The following PAN3 variants were observed in gnomAD, a reference collection of about 807,000 sequenced individuals.
The protein encoded by PAN3 is poly(A) specific ribonuclease subunit PAN3.
In PAN3, 19 loss-of-function variants were observed where a neutral mutation model predicts 96.2. The observed-to-expected ratio is 0.20, with a 90% CI of 0.14 to 0.29. PAN3 has a LOEUF of 0.29. Ranked by LOEUF, PAN3 falls within the 10% of genes least tolerant of loss-of-function variation. The pLI is 1.00. For synonymous variants in PAN3, 433 were observed against 406.6 expected, an observed-to-expected ratio of 1.06 and a Z score of -0.78; for missense variants, 882 against 1,108.1, an observed-to-expected ratio of 0.80 and a Z score of 2.90.
intron 5 of PAN3, among the ~76,000 whole-genome samples, chr13:28,216,835 G>C (rs1356502430): frequency 6.6e-6 from 1 of 151,766 alleles, no homozygotes; most frequent in Non-Finnish European, 1.5e-5. Flanking sequence ...AAAAAATTAG[G>C]CCAGGTGTGG....
chr13:28,223,871 ATTTTTTTTTTT>A (rs560571140), intron 6 of PAN3, among the ~76,000 whole-genome samples: 21 of 75,012 alleles, frequency 2.8e-4, no homozygotes, highest in South Asian at 4.3e-4. Flanking sequence ...ATGAAAAGTG[ATTTTTTTTTTT>A]TTTTTTTTTT....
At chr13:28,231,228 A>G (rs979089508) in intron 6 of PAN3, among the ~76,000 whole-genome samples, 1 of 152,184 alleles carries the variant, frequency 6.6e-6, no homozygotes, top group South Asian at 2.1e-4. Context: ...CAATAGTCTA[A>G]TGATATTTGT....
intron 4 of PAN3, among the ~76,000 whole-genome samples, chr13:28,178,449 A>G (rs1875333720): frequency 6.6e-6 from 1 of 152,102 alleles, no homozygotes; most frequent in South Asian, 2.1e-4. Flanking sequence ...TAGACCATGT[A>G]TGGATTTTTG....
intron 1 of PAN3, among the ~76,000 whole-genome samples, chr13:28,141,207 G>T (rs1869758072): frequency 6.6e-6 from 1 of 151,736 alleles, no homozygotes; most frequent in Non-Finnish European, 1.5e-5. Flanking sequence ...GTTTCGCCAT[G>T]TTGGCCAGGT....
intron 6 of PAN3, among the ~76,000 whole-genome samples, chr13:28,220,696 A>G (rs981903293): frequency 6.6e-6 from 1 of 152,146 alleles, no homozygotes; most frequent in South Asian, 2.1e-4. Flanking sequence ...GTTTCACTCA[A>G]ACTTACAAAG....
At chr13:28,181,058 A>G (rs1032921462) in intron 4 of PAN3, among the ~76,000 whole-genome samples, 1 of 152,206 alleles carries the variant, frequency 6.6e-6, no homozygotes, top group Non-Finnish European at 1.5e-5. Context: ...TATAGAGGCA[A>G]AGATACCTAG....
chr13:28,260,245 A>T (rs1043818631), intron 7 of PAN3, among the ~76,000 whole-genome samples: 1 of 151,864 alleles, frequency 6.6e-6, no homozygotes, highest in Non-Finnish European at 1.5e-5. Context: ...AAAATACAAA[A>T]ATTAGCTGGG....
In PAN3 at chr13:28,143,173, C is replaced by G. The variant is rs75071527; in HGVS notation, c.430+4086C>G. ...CTTGCTGTGTTGTCTAGGTTGGACT[C>G]CAACTCCTGGGCTCAAGTGATCCTA... On this transcript the variant is annotated intron_variant, in intron 1 of 18. Coordinates refer to ENST00000380958, the MANE Select transcript of PAN3 (RefSeq NM_175854.8). Among the ~76,000 whole-genome samples the G allele has an allele frequency of 3.1e-3, 471 of 151,796 alleles. 1 individual carries two copies. Among genetic ancestry groups the G allele is most frequent in the African/African-American group, 0.011 (450 of 41,206 alleles).
intron 12 of PAN3, among the ~76,000 whole-genome samples, chr13:28,267,773 G>A (rs911164795): frequency 2.0e-5 from 3 of 152,124 alleles, no homozygotes; most frequent in Non-Finnish European, 4.4e-5. Context: ...AGAACAGTAT[G>A]GGGGAAATTA....
intron 7 of PAN3, among the ~76,000 whole-genome samples, chr13:28,257,739 T>TA (rs1412639111): frequency 8.8e-6 from 1 of 113,760 alleles, no homozygotes; most frequent in African/African-American, 3.0e-5. Flanking sequence ...TATATATAAA[T>TA]TATATATAAT....
At position 28,237,553 on chromosome 13, in the gene PAN3, A is replaced by G. The variant is rs376007249; in HGVS notation, c.1000+17175A>G. On this transcript the variant is annotated intron_variant, in intron 6 of 18. Transcript: ENST00000380958. ...AAGTCCTGTGTGAACCCCCAAACCTAAAGTTACATAAAGCAGATAAAGCTG... is the reference window on the plus strand; with the variant it reads ...AAGTCCTGTGTGAACCCCCAAACCTGAAGTTACATAAAGCAGATAAAGCTG... Among the ~76,000 whole-genome samples the G allele has an allele frequency of 2.5e-4, 38 of 152,298 alleles. No homozygotes were observed. In the East Asian group the frequency reaches 5.8e-3, roughly 23 times the overall value.
intron 5 of PAN3, among the ~76,000 whole-genome samples, chr13:28,198,246 A>G (rs1459159936): frequency 2.6e-5 from 4 of 151,678 alleles, no homozygotes; most frequent in Non-Finnish European, 5.9e-5. Context: ...AGACTGCACC[A>G]CTGCACCCAC....
At chr13:28,237,199 T>C (rs1883193130) in intron 6 of PAN3, among the ~76,000 whole-genome samples, 1 of 152,094 alleles carries the variant, frequency 6.6e-6, no homozygotes, top group Admixed American at 6.6e-5. Context: ...AGACAGATTT[T>C]TTTTTTTTAC....
chr13:28,223,683 A>G (rs997206541), intron 6 of PAN3, among the ~76,000 whole-genome samples: 3 of 151,828 alleles, frequency 2.0e-5, no homozygotes, highest in Non-Finnish European at 4.4e-5. Context: ...AACACAACTT[A>G]AGACTAATTT....
chr13:28,276,792 G>A (rs972025288), intron 14 of PAN3, among the ~76,000 whole-genome samples: 5 of 152,164 alleles, frequency 3.3e-5, no homozygotes, highest in African/African-American at 1.2e-4. Flanking sequence ...TACAGAAAAT[G>A]AGCAAAGTAT....
intron 6 of PAN3, among the ~76,000 whole-genome samples, chr13:28,253,847 T>C (rs1452349778): frequency 6.6e-6 from 1 of 152,206 alleles, no homozygotes; most frequent in Admixed American, 6.5e-5. Flanking sequence ...TCTGCAACTT[T>C]ATATTAAAAT....
intron 13 of PAN3, among the ~76,000 whole-genome samples, chr13:28,271,114 A>C (rs1178305246): frequency 8.5e-5 from 13 of 152,226 alleles, no homozygotes; most frequent in Admixed American, 3.3e-4. Flanking sequence ...TTAGGGGAAT[A>C]TAAAAATAAT....
intron 13 of PAN3, among the ~76,000 whole-genome samples, chr13:28,271,312 G>T (rs1480977801): frequency 6.6e-6 from 1 of 152,146 alleles, no homozygotes; most frequent in Non-Finnish European, 1.5e-5. Flanking sequence ...CTGCTGTTGA[G>T]TCACATGCTT....
chr13:28,250,275 C>T (rs1236931538), intron 6 of PAN3, among the ~76,000 whole-genome samples: 2 of 151,894 alleles, frequency 1.3e-5, no homozygotes, highest in South Asian at 2.1e-4. Flanking sequence ...GCTCGCTTTA[C>T]CATTTTCCTC....
Sources: allele counts gnomAD v4.1 joint callset (sites outside exome capture counted in the v4.1 genomes callset), GRCh38; gene constraint gnomAD v4.1.1; transcripts MANE v1.5; gene names NCBI Gene and HGNC (gene_info 2026-07-23, HGNC 2026-07-21).